The following TRPM3 variants were observed in gnomAD, a reference collection of about 807,000 sequenced individuals.
TRPM3 encodes the protein transient receptor potential cation channel subfamily M member 3.
A neutral mutation model predicts 181.2 loss-of-function variants in TRPM3; 77 were observed. The ratio of observed to expected loss-of-function variants is 0.42; its 90% CI spans 0.35 to 0.51. The LOEUF (loss-of-function observed/expected upper bound fraction) is 0.51. Among genes scored for constraint, TRPM3 ranks in the 20% least tolerant of loss-of-function variants. TRPM3 has a pLI of 0.01. For missense variants in TRPM3, 1,759 were observed against 2,196.7 expected, an observed-to-expected ratio of 0.80 and a Z score of 3.98; for synonymous variants, 745 against 796.4, an observed-to-expected ratio of 0.94 and a Z score of 1.09.
chr9:70,835,028 C>A (rs1229951063), intron 5 of TRPM3, among the ~76,000 whole-genome samples: 4 of 152,156 alleles, frequency 2.6e-5, no homozygotes, highest in Non-Finnish European at 5.9e-5. Flanking sequence ...AATTAGGGAG[C>A]TCTTGCTCTG....
chr9:70,646,839 G>T (rs1401930886), intron 9 of TRPM3, among the ~76,000 whole-genome samples: 2 of 134,322 alleles, frequency 1.5e-5, no homozygotes, highest in African/African-American at 5.5e-5. Context: ...AATCAGAAAT[G>T]ACAAAGATGA....
chr9:70,868,620 A>G (rs1278168581), intron 1 of TRPM3, among the ~76,000 whole-genome samples: 1 of 152,018 alleles, frequency 6.6e-6, no homozygotes, highest in African/African-American at 2.4e-5. Context: ...CACAGGGTAT[A>G]TTAAACCCAT....
At chr9:71,276,525 G>A (rs897871290) in intron 1 of TRPM3, among the ~76,000 whole-genome samples, 13 of 152,108 alleles carry the variant, frequency 8.5e-5, no homozygotes, top group African/African-American at 2.4e-4. Flanking sequence ...AATTTTACAA[G>A]AGAGAAGAAA....
intron 1 of TRPM3, among the ~76,000 whole-genome samples, chr9:70,969,779 T>TATACAC (rs900528837): frequency 2.6e-4 from 36 of 139,860 alleles, no homozygotes; most frequent in African/African-American, 6.0e-4. Context: ...TATATATATA[T>TATACAC]ACACACACAC....
chr9:71,370,170 C>T (rs2092465200), intron 1 of TRPM3, among the ~76,000 whole-genome samples: 1 of 152,014 alleles, frequency 6.6e-6, no homozygotes, highest in Non-Finnish European at 1.5e-5. Context: ...CTGTCTATTC[C>T]CTGAGACAAA....
intron 1 of TRPM3, among the ~76,000 whole-genome samples, chr9:71,321,043 C>G (rs1233715121): frequency 6.6e-6 from 1 of 152,094 alleles, no homozygotes; most frequent in Non-Finnish European, 1.5e-5. Flanking sequence ...CCAATTTCTG[C>G]TGTTTCCATC....
At chr9:71,245,761 T>C (rs1300874563) in intron 1 of TRPM3, among the ~76,000 whole-genome samples, 1 of 152,154 alleles carries the variant, frequency 6.6e-6, no homozygotes, top group Non-Finnish European at 1.5e-5. Context: ...GTGATTTAAA[T>C]GTGTCATGAT....
intron 1 of TRPM3, among the ~76,000 whole-genome samples, chr9:71,381,334 G>A (rs143286359): frequency 0.016 from 2,362 of 152,152 alleles, 23 homozygotes; most frequent in Middle Eastern, 0.061. Context: ...AAGTCACAGA[G>A]GTGGAAGACA....
At chr9:71,190,815 G>A (rs949634472) in intron 1 of TRPM3, among the ~76,000 whole-genome samples, 5 of 151,680 alleles carry the variant, frequency 3.3e-5, no homozygotes, top group African/African-American at 1.2e-4. Context: ...ATATTCACCT[G>A]GGCAACGTCC....
intron 1 of TRPM3, among the ~76,000 whole-genome samples, chr9:71,147,424 G>GACACACAGACACACACAC (rs1554835022): frequency 6.9e-6 from 1 of 144,930 alleles, no homozygotes; most frequent in Non-Finnish European, 1.5e-5. Flanking sequence ...GCAACACACA[G>GACACACAGACACACACAC]ACACACACAC....
chr9:71,014,643 AAT>A (rs2097770137), intron 1 of TRPM3, among the ~76,000 whole-genome samples: 1 of 152,104 alleles, frequency 6.6e-6, no homozygotes, highest in African/African-American at 2.4e-5. Flanking sequence ...TATGCTGACT[AAT>A]ATCAAGATGG....
Position 70,756,704 on chromosome 9 carries a change from A to T in TRPM3, c.1272+4897T>A, listed in dbSNP as rs201019476. 2.6e-5 allele frequency among the ~76,000 whole-genome samples: 4 copies of T among 152,326 alleles called. No individual in the cohort carries two copies. The East Asian group carries it at 7.7e-4, about 29-fold the overall frequency. On this transcript the variant is annotated intron_variant, in intron 8 of 25. Coordinates refer to ENST00000677713, the MANE Select transcript of TRPM3 (RefSeq NM_001366145.2). The stretch of plus-strand genomic sequence containing the variant: ...GAACTCACTCAAACCATACAACTAC[A>T]TGGAAACTGAACAACCTGCTCCTGA...
chr9:70,905,518 A>G (rs1157572365), intron 1 of TRPM3, among the ~76,000 whole-genome samples: 2 of 152,146 alleles, frequency 1.3e-5, no homozygotes, highest in Non-Finnish European at 1.5e-5. Flanking sequence ...ATTATTTCAT[A>G]TTTTTTCAAA....
At chr9:71,031,059 A>G (rs569498028) in intron 1 of TRPM3, among the ~76,000 whole-genome samples, 2 of 152,322 alleles carry the variant, frequency 1.3e-5, no homozygotes, top group South Asian at 2.1e-4. Flanking sequence ...CTCACTGCAG[A>G]ATTAAAATGC....
rs759870697 is a variant in TRPM3, at chr9:70,620,164, C to T, written c.2041G>A (p.Ala681Thr). 1 of 1,614,198 alleles carries T rather than the reference C, an allele frequency of 6.2e-7. No individual in the cohort carries two copies. The highest frequency in any genetic ancestry group is 8.5e-7 in the Non-Finnish European group (1 of 1,180,040). Reference sequence around the variant, plus strand: ...GCCATGGCTTTGCAGAGCTTGCAGGCCACCAGGGCCTTGGCCATGGCCTCC... The same window carrying T: ...GCCATGGCTTTGCAGAGCTTGCAGGTCACCAGGGCCTTGGCCATGGCCTCC... ...GEEAMAKALVACKLCKAMAHE... is the reference protein window; with the variant it reads ...GEEAMAKALVTCKLCKAMAHE... The change falls in exon 16 of 26, where the codon GCC (alanine) becomes ACC (threonine). Residue 681 changes from alanine to threonine, a missense_variant. Transcript: ENST00000677713.
intron 1 of TRPM3, among the ~76,000 whole-genome samples, chr9:70,966,738 T>C (rs190947788): frequency 3.3e-5 from 5 of 152,054 alleles, no homozygotes; most frequent in African/African-American, 9.6e-5. Flanking sequence ...TTGGGGTTTA[T>C]TGGAGGGTGG....
chr9:71,343,111 G>T (rs2132618149), intron 1 of TRPM3, among the ~76,000 whole-genome samples: 1 of 152,056 alleles, frequency 6.6e-6, no homozygotes, highest in East Asian at 1.9e-4. Context: ...AGGGAGGGGG[G>T]TAAAAGAGTG....
intron 19 of TRPM3, among the ~76,000 whole-genome samples, chr9:70,606,982 A>G (rs1178542042): frequency 6.6e-6 from 1 of 152,012 alleles, no homozygotes; most frequent in Non-Finnish European, 1.5e-5. Flanking sequence ...GTTGGTCACT[A>G]CTAGAGAAAC....
intron 1 of TRPM3, among the ~76,000 whole-genome samples, chr9:71,416,358 G>A (rs893434967): frequency 6.6e-6 from 1 of 151,696 alleles, no homozygotes; most frequent in Non-Finnish European, 1.5e-5. Context: ...GGATTGGTCG[G>A]CAATTTATCA....
Sources: allele counts gnomAD v4.1 joint callset (sites outside exome capture counted in the v4.1 genomes callset), GRCh38; gene constraint gnomAD v4.1.1; transcripts MANE v1.5; gene names NCBI Gene and HGNC (gene_info 2026-07-23, HGNC 2026-07-21).